The following DSP variants were observed in gnomAD, a reference collection of about 807,000 sequenced individuals.
DSP encodes desmoplakin.
A neutral mutation model predicts 290.6 loss-of-function variants in DSP; 114 were observed. The ratio of observed to expected loss-of-function variants is 0.39; its 90% confidence interval spans 0.34 to 0.46. DSP has a LOEUF of 0.46. DSP is among the 20% of genes least tolerant of loss of function. DSP has a pLI of 0.99. For synonymous variants in DSP, 1,311 were observed against 1,316.4 expected, an observed-to-expected ratio of 1.00 and a Z score of 0.09; for missense variants, 3,230 against 3,495.8, an observed-to-expected ratio of 0.92 and a Z score of 1.92.
Position 7,580,238 on chromosome 6 carries a change from A to C in DSP, c.4048A>C (p.Lys1350Gln). The C allele has an allele frequency of 6.2e-7, 1 of 1,614,122 alleles. No individual in the cohort carries two copies. Among genetic ancestry groups the C allele is most frequent in the Non-Finnish European group, 8.5e-7 (1 of 1,180,032 alleles). Residue 1350 changes from lysine to glutamine, a missense_variant, in exon 23 of 24, where the codon AAG (lysine) becomes CAG (glutamine). Lys to Gln is a moderately conservative substitution (Grantham distance 53). Transcript: ENST00000379802. The surrounding 1 kb of genome is among the most constrained non-coding windows in gnomAD (Gnocchi z 4.2). ...RRWEYENELSKVRNNYDEEII... is the reference protein window; with the variant it reads ...RRWEYENELSQVRNNYDEEII... ...CTGGGAATATGAAAATGAACTGAGTAAGGTAAGAAACAATTATGATGAGGA... is the reference window on the plus strand; with the variant it reads ...CTGGGAATATGAAAATGAACTGAGTCAGGTAAGAAACAATTATGATGAGGA...
At position 7,584,808 on chromosome 6, in the gene DSP, A is replaced by G. The variant is rs1304859870; in HGVS notation, c.7546A>G (p.Arg2516Gly). 6.2e-7 allele frequency: 1 copy of G among 1,614,242 alleles called. No homozygotes were observed. The highest frequency in any genetic ancestry group is 1.3e-5 in the African/African-American group (1 of 75,070). Residue 2516 changes from arginine to glycine, a missense_variant, in exon 24 of 24, where the codon AGG (arginine) becomes GGG (glycine). Physicochemically the swap from Arg to Gly is moderately radical, Grantham distance 125. Transcript: ENST00000379802. This position sits in a 1 kb window ranked among gnomAD's most constrained non-coding sequence, Gnocchi z 6.4. ...ITITGSDGST[R>G]VVLVDRKTGS... ...CATCACGGGATCAGATGGCTCCACC[A>G]GGGTGGTCCTGGTAGATAGAAAGAC...
At chr6:7,546,013 G>A (rs148731103) in intron 1 of DSP, among the ~76,000 whole-genome samples, 1 of 152,350 alleles carries the variant, frequency 6.6e-6, no homozygotes, top group Non-Finnish European at 1.5e-5. Flanking sequence ...GGAAGCTGGT[G>A]CAGGTTTTCA....
At position 7,584,811 on chromosome 6, in the gene DSP, G is replaced by A; in HGVS notation, c.7549G>A (p.Val2517Met). 1 of 1,614,184 alleles carries A rather than the reference G, an allele frequency of 6.2e-7. No individual in the cohort carries two copies. Among genetic ancestry groups the A allele is most frequent in the Non-Finnish European group, 8.5e-7 (1 of 1,180,024 alleles). The part of the protein sequence containing the change: ...TITGSDGSTR[V>M]VLVDRKTGSQ... ...CACGGGATCAGATGGCTCCACCAGG[G>A]TGGTCCTGGTAGATAGAAAGACAGG... The change falls in exon 24 of 24, where the codon GTG (valine) becomes ATG (methionine). Residue 2517 changes from valine to methionine, a missense_variant. Val to Met is a conservative substitution (Grantham distance 21, BLOSUM62 1). This residue lies in a region of DSP where 582 missense variants were observed against 555.4 expected (regional missense o/e 1.05). Coordinates refer to ENST00000379802, the MANE Select transcript of DSP (RefSeq NM_004415.4). The surrounding 1 kb of genome is among the most constrained non-coding windows in gnomAD (Gnocchi z 6.4).
At chr6:7,564,711 G>C (rs895795099) in intron 6 of DSP, among the ~76,000 whole-genome samples, 15 of 152,272 alleles carry the variant, frequency 9.9e-5, no homozygotes, top group African/African-American at 3.1e-4. Context: ...AAAGATAAAT[G>C]TTCGAGGTGA....
At chr6:7,574,030 A>G (rs1209002295) in intron 15 of DSP, 56 bp from the exon 16 acceptor site, 9 of 1,577,046 alleles carry the variant, frequency 5.7e-6, no homozygotes, top group Non-Finnish European at 7.8e-6. Flanking sequence ...CCTTAAATAT[A>G]TACAGTAATA....
chr6:7,545,953 A>C (rs1272725678), intron 1 of DSP, among the ~76,000 whole-genome samples: 2 of 152,122 alleles, frequency 1.3e-5, no homozygotes, highest in African/African-American at 2.4e-5. Flanking sequence ...TTTTTTGACC[A>C]AGGCATTGGA....
chr6:7,584,652 C>T lies in DSP; in HGVS notation c.7390C>T (p.Arg2464Cys), dbSNP rs778822920. Residue 2464 changes from arginine (R) to cysteine (C), a missense_variant, in exon 24 of 24, where the codon CGT (arginine) becomes TGT (cysteine). Arg to Cys is a radical substitution (Grantham distance 180). Around this residue, in one of 5 missense-constraint regions of DSP, gnomAD observed 582 missense variants for 555.4 expected, o/e 1.05. Transcript: ENST00000379802. The surrounding 1 kb of genome is among the most constrained non-coding windows in gnomAD (Gnocchi z 6.4). ...ATCACAAAAGAATACCCTCAGGAAG[C>T]GTAGAGTGGTCATAGTTGACCCAGA... ...QTSQKNTLRK[R>C]RVVIVDPETN... 17 of 1,614,048 alleles carry T rather than the reference C, an allele frequency of 1.1e-5. No homozygotes were observed. Among genetic ancestry groups the T allele is most frequent in the Non-Finnish European group, 1.4e-5 (17 of 1,179,948 alleles).
Position 7,584,785 on chromosome 6 carries a change from T to A in DSP, c.7523T>A (p.Ile2508Asn). 6.2e-7 allele frequency: 1 copy of A among 1,614,170 alleles called. No individual in the cohort carries two copies. The highest frequency in any genetic ancestry group is 8.5e-7 in the Non-Finnish European group (1 of 1,180,034). The change falls in exon 24 of 24, where the codon ATC (isoleucine) becomes AAC (asparagine). Residue 2508 changes from isoleucine to asparagine, a missense_variant. By Grantham distance (149) the Ile-to-Asn change is moderately radical. Transcript: ENST00000379802. This position sits in a 1 kb window ranked among gnomAD's most constrained non-coding sequence, Gnocchi z 6.4. Reference sequence around the variant, plus strand: ...GAATGTGAATGGGAAGAAATAACCATCACGGGATCAGATGGCTCCACCAGG... The same window carrying A: ...GAATGTGAATGGGAAGAAATAACCAACACGGGATCAGATGGCTCCACCAGG... ...EQECEWEEITITGSDGSTRVV... is the reference protein window; with the variant it reads ...EQECEWEEITNTGSDGSTRVV...
rs1207773387 is a variant in DSP, at chr6:7,570,570, C to T, written c.1701+7C>T. 1.9e-6 allele frequency: 3 copies of T among 1,612,636 alleles called. No individual in the cohort carries two copies. The highest frequency in any genetic ancestry group is 1.7e-5 in the Admixed American group (1 of 60,028). Reference sequence around the variant, plus strand: ...GGCCATGACAATCGCCAAGGTATGTCCTCAGGGCCACTTAGGCTGCCTGGA... The same window carrying T: ...GGCCATGACAATCGCCAAGGTATGTTCTCAGGGCCACTTAGGCTGCCTGGA... On this transcript the variant is annotated splice_region_variant and intron_variant, in intron 13 of 23. Transcript: ENST00000379802.
At chr6:7,545,616 CTTGAAAG>C in intron 1 of DSP, among the ~76,000 whole-genome samples, 1 of 151,246 alleles carries the variant, frequency 6.6e-6, no homozygotes, top group African/African-American at 2.4e-5. Context: ...AATCTATAGC[CTTGAAAG>C]GAGTGTAGGC....
In DSP at chr6:7,563,783, G is replaced by A. The variant is rs753228677; in HGVS notation, c.774G>A (p.Leu258=). The stretch of plus-strand genomic sequence containing the variant: ...AGTTGGAGGAGGAGTATGAAAACCT[G>A]CTGGTAAGCTGATTTATTTCTCAAG... ...IYQLEEEYEN[L]LKASFERMDH... Residue 258 remains leucine (L), a synonymous_variant, in exon 6 of 24, where the codon CTG becomes CTA. Transcript: ENST00000379802. The A allele has an allele frequency of 6.2e-7, 1 of 1,613,470 alleles. No homozygotes were observed. Among genetic ancestry groups the A allele is most frequent in the South Asian group, 1.1e-5 (1 of 91,070 alleles).
chr6:7,574,051 G>A (rs1416501563), intron 15 of DSP, 35 bp from the exon 16 acceptor site: 1 of 1,611,626 alleles, frequency 6.2e-7, no homozygotes, highest in African/African-American at 1.3e-5. Flanking sequence ...AAAAGAATCA[G>A]CTAAATCAAA....
chr6:7,559,217 T>C lies in DSP; in HGVS notation c.423-9T>C, dbSNP rs778862693. 1.9e-6 allele frequency: 3 copies of C among 1,613,738 alleles called. No homozygotes were observed. Among genetic ancestry groups the C allele is most frequent in the East Asian group, 2.2e-5 (1 of 44,896 alleles). ...TCCTGCAGTGGTTTAAAGGTTTTTT[T>C]CTTTGCAGGCTTCTTCAGCTCCAAG... On this transcript the variant is annotated splice_polypyrimidine_tract_variant and intron_variant, in intron 3 of 23. Transcript: ENST00000379802.
intron 10 of DSP, 129 bp from the exon 11 acceptor site, chr6:7,568,308 G>C: frequency 9.2e-7 from 1 of 1,091,348 alleles, no homozygotes; most frequent in Non-Finnish European, 1.4e-6. Flanking sequence ...ACGAATTTGT[G>C]ATTTTTTACA....
intron 1 of DSP, among the ~76,000 whole-genome samples, chr6:7,550,513 G>A (rs1265343912): frequency 6.6e-6 from 1 of 151,992 alleles, no homozygotes; most frequent in African/African-American, 2.4e-5. Context: ...ATATTCATGT[G>A]GTCCGTCTTT....
chr6:7,578,619 T>C (rs1759322746), intron 22 of DSP, 57 bp downstream of exon 22: 6 of 1,304,006 alleles, frequency 4.6e-6, no homozygotes, highest in Non-Finnish European at 6.7e-6. Context: ...TAGAACCTTA[T>C]TATTACTTCC....
intron 12 of DSP, among the ~76,000 whole-genome samples, chr6:7,570,113 C>T (rs1758996621): frequency 6.6e-6 from 1 of 152,170 alleles, no homozygotes; most frequent in South Asian, 2.1e-4. Context: ...GCTGTGTGCT[C>T]ATGACCAAGC....
Position 7,580,785 on chromosome 6 carries a change from A to G in DSP, c.4595A>G (p.Glu1532Gly), listed in dbSNP as rs1759408509. The change falls in exon 23 of 24, where the codon GAG becomes GGG. Residue 1532 changes from glutamate to glycine, a missense_variant. Glu to Gly is a moderately conservative substitution (Grantham distance 98). Around this residue, in one of 5 missense-constraint regions of DSP, gnomAD observed 1,714 missense variants for 1,844.5 expected, o/e 0.93. Transcript: ENST00000379802. The surrounding 1 kb of genome is among the most constrained non-coding windows in gnomAD (Gnocchi z 4.2). ...ACAATAAACAAACTGAAGGTTCAGG[A>G]GCAAGAACTGACACGCCTGAGGATC... ...TETINKLKVQ[E>G]QELTRLRIDY... The G allele has an allele frequency of 1.2e-6, 2 of 1,614,164 alleles. No individual in the cohort carries two copies. Among genetic ancestry groups the G allele is most frequent in the South Asian group, 2.2e-5 (2 of 91,086 alleles).
chr6:7,551,781 A>G (rs980365328), intron 1 of DSP, among the ~76,000 whole-genome samples: 1 of 152,238 alleles, frequency 6.6e-6, no homozygotes, highest in African/African-American at 2.4e-5. Flanking sequence ...CTGATTAAGT[A>G]CAGCGAGTTC....
Sources: allele counts gnomAD v4.1 joint callset (sites outside exome capture counted in the v4.1 genomes callset), GRCh38; gene constraint gnomAD v4.1.1; regional missense constraint gnomAD v4.1.1; non-coding constraint Gnocchi (gnomAD v3.1); transcripts MANE v1.5; gene names NCBI Gene and HGNC (gene_info 2026-07-23, HGNC 2026-07-21).